Variants in FTO observed in about 807,000 individuals in gnomAD.
FTO encodes the protein alpha-ketoglutarate-dependent dioxygenase FTO.
FTO carries 47 observed loss-of-function variants against 63.9 expected under a neutral mutation model. That is an observed-to-expected ratio of 0.74 (90% CI 0.58 to 0.94). The LOEUF is 0.94. Among genes scored for constraint, FTO ranks in the 40% least tolerant of loss-of-function variants. FTO has a pLI of 0.00. For synonymous variants in FTO, 207 were observed against 224.4 expected, an observed-to-expected ratio of 0.92 and a Z score of 0.69; for missense variants, 562 against 618.1, an observed-to-expected ratio of 0.91 and a Z score of 0.96.
chr16:53,744,969 C>T (rs1369370673), intron 1 of FTO, among the ~76,000 whole-genome samples: 1 of 152,120 alleles, frequency 6.6e-6, no homozygotes, highest in Non-Finnish European at 1.5e-5. Context: ...TAAATAAGAT[C>T]ACTGATATCC....
At chr16:53,916,884 A>G (rs1401397488) in intron 7 of FTO, among the ~76,000 whole-genome samples, 2 of 152,302 alleles carry the variant, frequency 1.3e-5, no homozygotes, top group South Asian at 2.1e-4. Context: ...CTCATCAACT[A>G]TTTGGTGGTT....
rs80130403 is a variant in FTO at position 53,911,447 on chromosome 16, A to G, written c.1239+22496A>G. ...TGCAGGGAAGTTAAGAAGTGGCCAT[A>G]CCGTTGCATTCATCATGGGAAGAAT... On this transcript the variant is annotated intron_variant, in intron 7 of 8. Transcript: ENST00000471389. 4.2e-3 allele frequency: 2,918 copies of G among 703,118 alleles called. 60 individuals carry two copies. The African/African-American group carries it at 0.046, about 11-fold the overall frequency. The allele number at this position is 703,118 out of a possible 1,614,324, so 43.6% of individuals were successfully genotyped here.
At chr16:53,994,989 C>T (rs1312551528) in intron 8 of FTO, among the ~76,000 whole-genome samples, 7 of 152,206 alleles carry the variant, frequency 4.6e-5, no homozygotes, top group African/African-American at 1.7e-4. Flanking sequence ...CCGTCTCGGC[C>T]TCCTCTTAAG....
At chr16:53,753,053 G>C (rs772858391) in intron 1 of FTO, among the ~76,000 whole-genome samples, 4 of 151,764 alleles carry the variant, frequency 2.6e-5, no homozygotes, top group Non-Finnish European at 5.9e-5. Context: ...TTGAGCCCAG[G>C]AGTTTGAGAC....
chr16:54,069,583 T>C (rs773232575), intron 8 of FTO, among the ~76,000 whole-genome samples: 3 of 152,208 alleles, frequency 2.0e-5, no homozygotes, highest in Non-Finnish European at 2.9e-5. Context: ...TTTTTTCTCT[T>C]TGGGCATTTC....
At chr16:53,764,593 G>A (rs1205858004) in intron 1 of FTO, among the ~76,000 whole-genome samples, 2 of 152,002 alleles carry the variant, frequency 1.3e-5, no homozygotes, top group Non-Finnish European at 2.9e-5. Context: ...TCTCAAAATT[G>A]GAGTTGAGAG....
chr16:53,832,266 A>G (rs1016830913), intron 3 of FTO, among the ~76,000 whole-genome samples: 6 of 152,218 alleles, frequency 3.9e-5, no homozygotes, highest in Non-Finnish European at 7.3e-5. Flanking sequence ...CTGACATACA[A>G]TAAGCTATAC....
chr16:53,884,982 G>A (rs1042637596), intron 6 of FTO, among the ~76,000 whole-genome samples: 3 of 152,198 alleles, frequency 2.0e-5, no homozygotes, highest in Non-Finnish European at 2.9e-5. Context: ...TATTTCTGCT[G>A]TGTTAGCTAT....
intron 8 of FTO, among the ~76,000 whole-genome samples, chr16:53,971,979 C>T (rs2083332776): frequency 6.6e-6 from 1 of 152,138 alleles, no homozygotes; most frequent in South Asian, 2.1e-4. Context: ...CCCTTCCCTC[C>T]TTCACCACTC....
intron 4 of FTO, among the ~76,000 whole-genome samples, chr16:53,855,445 T>C (rs2079958082): frequency 6.6e-6 from 1 of 152,186 alleles, no homozygotes; most frequent in Non-Finnish European, 1.5e-5. Flanking sequence ...CTGTTTTAGC[T>C]TTGTATCCTG....
intron 1 of FTO, among the ~76,000 whole-genome samples, chr16:53,744,836 A>G (rs200329298): frequency 1.5e-5 from 2 of 135,032 alleles, no homozygotes; most frequent in Non-Finnish European, 3.1e-5. Flanking sequence ...CCCCCCCCCC[A>G]TATATGAATC....
At chr16:53,938,673 T>G (rs149611272) in intron 8 of FTO, among the ~76,000 whole-genome samples, 7 of 152,192 alleles carry the variant, frequency 4.6e-5, no homozygotes, top group Non-Finnish European at 4.4e-5. Flanking sequence ...AAAGAGGCTG[T>G]GGAAGGCAGT....
rs554090926 is a variant in FTO at position 53,907,275 on chromosome 16, G to A, written c.1239+18324G>A. Among the ~76,000 whole-genome samples the A allele has an allele frequency of 2.0e-5, 3 of 152,238 alleles. No individual in the cohort carries two copies. The South Asian group carries it at 6.2e-4, about 32-fold the overall frequency. On this transcript the variant is annotated intron_variant, in intron 7 of 8. Coordinates refer to ENST00000471389, the MANE Select transcript of FTO (RefSeq NM_001080432.3). ...AGAGTGACTTAAACATGCTCAGAAC[G>A]CATTAGCCTACCCTTGGCAAGATCA...
rs142149415 is a variant in FTO, at chr16:54,102,717, G to A, written c.1365-9045G>A. On this transcript the variant is annotated intron_variant, in intron 8 of 8. Transcript: ENST00000471389. The stretch of plus-strand genomic sequence containing the variant: ...TGAGTTCCAAACAAATGTGGAGAAC[G>A]TAAGACATTGACAGCAGCTGGGTAC... Among the ~76,000 whole-genome samples the A allele has an allele frequency of 1.9e-3, 294 of 152,280 alleles. 1 individual carries two copies. Among genetic ancestry groups the A allele is most frequent in the African/African-American group, 6.9e-3 (287 of 41,552 alleles).
intron 4 of FTO, among the ~76,000 whole-genome samples, chr16:53,849,235 G>A (rs2079718122): frequency 6.6e-6 from 1 of 152,148 alleles, no homozygotes; most frequent in African/African-American, 2.4e-5. Flanking sequence ...TAAAATGGGA[G>A]CTTAATGATA....
At chr16:53,953,473 A>G (rs2082847681) in intron 8 of FTO, among the ~76,000 whole-genome samples, 1 of 152,234 alleles carries the variant, frequency 6.6e-6, no homozygotes, top group South Asian at 2.1e-4. Context: ...AATCTGATAC[A>G]GGTAGGAGCC....
At chr16:53,725,455 G>C (rs2076131700) in intron 1 of FTO, among the ~76,000 whole-genome samples, 1 of 152,124 alleles carries the variant, frequency 6.6e-6, no homozygotes, top group Admixed American at 6.5e-5. Context: ...TTATGGCTTG[G>C]AATATTTTTC....
intron 1 of FTO, among the ~76,000 whole-genome samples, chr16:53,770,409 ATCT>A (rs1418875060): frequency 6.6e-6 from 1 of 152,162 alleles, no homozygotes; most frequent in African/African-American, 2.4e-5. Flanking sequence ...CAAACGAAAA[ATCT>A]TCTCAAATTA....
chr16:53,878,649 A>G (rs568207679), intron 5 of FTO, among the ~76,000 whole-genome samples: 1 of 152,350 alleles, frequency 6.6e-6, no homozygotes, highest in South Asian at 2.1e-4. Flanking sequence ...CCTCATTGGG[A>G]CTGAAGGGTA....
Sources: allele counts gnomAD v4.1 joint callset (sites outside exome capture counted in the v4.1 genomes callset), GRCh38; gene constraint gnomAD v4.1.1; transcripts MANE v1.5; gene names NCBI Gene and HGNC (gene_info 2026-07-23, HGNC 2026-07-21).